The following ACSM3 variants were observed in gnomAD, a reference collection of about 807,000 sequenced individuals.
The protein encoded by ACSM3 is acyl-CoA synthetase medium chain family member 3, also known as acyl-coenzyme A synthetase ACSM3, mitochondrial.
In ACSM3, 61 loss-of-function variants were observed where a neutral mutation model predicts 74.1. The observed-to-expected ratio is 0.82, with a 90% CI of 0.67 to 1.02. The LOEUF (loss-of-function observed/expected upper bound fraction) is 1.02, where lower values mean the gene tolerates loss of function less well. ACSM3 is among the 50% of genes least tolerant of loss of function. The probability of loss-of-function intolerance (pLI) is 0.00; values close to 1 mark genes in which losing one functional copy is unlikely to be tolerated. For missense variants in ACSM3, 660 were observed against 697.0 expected, an observed-to-expected ratio of 0.95 and a Z score of 0.60; for synonymous variants, 213 against 241.5, an observed-to-expected ratio of 0.88 and a Z score of 1.09.
chr16:20,761,585 G>T (rs1157808244), upstream of ACSM3, among the ~76,000 whole-genome samples: 1 of 152,162 alleles, frequency 6.6e-6, no homozygotes, highest in Non-Finnish European at 1.5e-5. Flanking sequence ...GTTAGAGTAG[G>T]TAGTCAGGCA....
chr16:20,730,323 A>G (rs145946123), intron 1 of ACSM3, among the ~76,000 whole-genome samples: 3 of 152,376 alleles, frequency 2.0e-5, no homozygotes, highest in Non-Finnish European at 4.4e-5. Flanking sequence ...GAAACAAGGC[A>G]GATAGAAAAT....
At chr16:20,791,051 G>T in intron 10 of ACSM3, 1 of 974,446 alleles carries the variant, frequency 1.0e-6, no homozygotes, top group Non-Finnish European at 1.5e-6. Flanking sequence ...GAGGGACAGG[G>T]GATGCGGGGG....
intron 1 of ACSM3, among the ~76,000 whole-genome samples, chr16:20,768,875 C>T (rs1216765666): frequency 2.6e-5 from 4 of 152,180 alleles, no homozygotes; most frequent in African/African-American, 4.8e-5. Flanking sequence ...CTCAAGATCA[C>T]TGACTTGTCA....
chr16:20,793,666 T>C (rs960336186), intron 12 of ACSM3, among the ~76,000 whole-genome samples: 2 of 152,194 alleles, frequency 1.3e-5, no homozygotes, highest in African/African-American at 4.8e-5. Context: ...GTTTGTCAAG[T>C]TGCTAGGATG....
At chr16:20,775,067 T>G (rs188132003) in intron 2 of ACSM3, among the ~76,000 whole-genome samples, 2 of 152,184 alleles carry the variant, frequency 1.3e-5, no homozygotes, top group East Asian at 3.9e-4. Context: ...TAGAGTGCTG[T>G]GTGTAGGCTC....
At chr16:20,784,925 T>C in intron 7 of ACSM3, 59 bp from the exon 8 acceptor site, 2 of 1,553,478 alleles carry the variant, frequency 1.3e-6, no homozygotes, top group South Asian at 1.2e-5. Context: ...AAATAATCCT[T>C]AATCTTCACT....
Position 20,775,886 on chromosome 16 carries a change from T to C in ACSM3, c.267T>C (p.Asn89=). The change falls in exon 3 of 14, where the codon AAT becomes AAC. Residue 89 remains asparagine (N), a synonymous_variant. Coordinates refer to ENST00000289416, the MANE Select transcript of ACSM3 (RefSeq NM_005622.4). ...SNPAFWWINR[N]GEEMRWSFEE... ...CAGCCTTCTGGTGGATCAACAGAAA[T>C]GGAGAAGAGATGCGATGGAGTTTTG... The C allele has an allele frequency of 6.2e-7, 1 of 1,614,072 alleles. No homozygotes were observed. The highest frequency in any genetic ancestry group is 8.5e-7 in the Non-Finnish European group (1 of 1,180,006).
intron 1 of ACSM3, chr16:20,729,100 T>C (rs886185338): frequency 8.9e-6 from 4 of 448,328 alleles, no homozygotes; most frequent in African/African-American, 2.0e-5. Context: ...AGAAAGAGAC[T>C]CTGTCTCAAA....
upstream of ACSM3, among the ~76,000 whole-genome samples, chr16:20,761,515 A>T (rs1036259409): frequency 6.6e-6 from 1 of 152,174 alleles, no homozygotes; most frequent in Non-Finnish European, 1.5e-5. Context: ...GCTGGTGTCC[A>T]CTGGAGAATT....
intron 1 of ACSM3, chr16:20,736,624 G>C (rs2079871770): frequency 2.4e-6 from 1 of 422,176 alleles, no homozygotes. Flanking sequence ...GAGCCTGGGA[G>C]AGGCCAACAT....
chr16:20,741,495 C>T (rs1376158946), intron 1 of ACSM3: 2 of 1,243,814 alleles, frequency 1.6e-6, no homozygotes, highest in Non-Finnish European at 2.1e-6. Flanking sequence ...GCCCGCCCAC[C>T]CCGGGACCGG....
At chr16:20,738,613 C>A (rs754045326) in intron 1 of ACSM3, 1 of 371,516 alleles carries the variant, frequency 2.7e-6, no homozygotes, top group Non-Finnish European at 4.9e-6. Context: ...CTGGCTGGAG[C>A]TGAGTAGCAG....
At chr16:20,717,950 GGAAGAGGAAGAAGAAGAAGAAGAAGAA>G (rs2079769161) in intron 1 of ACSM3, among the ~76,000 whole-genome samples, 7 of 59,042 alleles carry the variant, frequency 1.2e-4, no homozygotes, top group African/African-American at 4.2e-4. Flanking sequence ...AAGAGGAAGA[GGAAGAGGAAGAAGAAGAAGAAGAAGAA>G]GAAGAAGAAG....
chr16:20,741,728 A>G (rs1250511049), intron 1 of ACSM3: 2 of 1,572,220 alleles, frequency 1.3e-6, no homozygotes, highest in Non-Finnish European at 1.7e-6. Flanking sequence ...TCTGCTGGGC[A>G]GGGGCCGCCA....
chr16:20,682,833 T>C (rs769020835), intron 1 of ACSM3, among the ~76,000 whole-genome samples: 1 of 152,150 alleles, frequency 6.6e-6, no homozygotes, highest in Non-Finnish European at 1.5e-5. Context: ...AATAGCTGCA[T>C]CTCTCCCCCA....
intron 1 of ACSM3, among the ~76,000 whole-genome samples, chr16:20,726,776 TCAC>T (rs2079807942): frequency 6.6e-6 from 1 of 152,214 alleles, no homozygotes; most frequent in Non-Finnish European, 1.5e-5. Context: ...AAGAGCCACC[TCAC>T]AAGGCTGTGG....
At chr16:20,687,126 A>G (rs773405478) in intron 1 of ACSM3, among the ~76,000 whole-genome samples, 4 of 152,054 alleles carry the variant, frequency 2.6e-5, no homozygotes, top group Non-Finnish European at 5.9e-5. Context: ...GGCTTGTCCA[A>G]GGGTTGCGGA....
intron 1 of ACSM3, among the ~76,000 whole-genome samples, chr16:20,695,622 A>G (rs547063687): frequency 6.6e-6 from 1 of 152,048 alleles, no homozygotes; most frequent in South Asian, 2.1e-4. Flanking sequence ...TCTATTACCT[A>G]TCTATTATGT....
intron 2 of ACSM3, chr16:20,750,128 A>T (rs1383347615): frequency 6.6e-6 from 1 of 152,262 alleles, no homozygotes; most frequent in African/African-American, 2.4e-5. Context: ...TAAAGGGGGA[A>T]AACAAAAATT....
Sources: allele counts gnomAD v4.1 joint callset (sites outside exome capture counted in the v4.1 genomes callset), GRCh38; gene constraint gnomAD v4.1.1; transcripts MANE v1.5; gene names NCBI Gene and HGNC (gene_info 2026-07-23, HGNC 2026-07-21).